The following ABTB3 variants were observed in gnomAD, a reference collection of about 807,000 sequenced individuals.
The protein encoded by ABTB3 is ankyrin repeat and BTB domain containing 3.
At chr12:107,612,588 G>A in the ABTB3 span, among the ~76,000 whole-genome samples, 6 of 152,210 alleles carry the variant, frequency 3.9e-5, no homozygotes, top group Non-Finnish European at 7.3e-5. Context: ...AGGCTCCTTC[G>A]TCGCCTCTAT....
At chr12:107,476,662 A>G in the ABTB3 span, among the ~76,000 whole-genome samples, 7,272 of 152,008 alleles carry the variant, frequency 0.048, 284 homozygotes, top group East Asian at 0.2. Context: ...AAGAGAGGCA[A>G]TGCTGGAGCT....
chr12:107,628,681 A>G, the ABTB3 span, among the ~76,000 whole-genome samples: 10 of 152,296 alleles, frequency 6.6e-5, no homozygotes, highest in African/African-American at 2.4e-4. Context: ...AGGTTCAACT[A>G]TGGGAAATTG....
At chr12:107,439,271 C>G in the ABTB3 span, among the ~76,000 whole-genome samples, 1 of 152,186 alleles carries the variant, frequency 6.6e-6, no homozygotes, top group African/African-American at 2.4e-5. Context: ...TTCGGTTTGA[C>G]TGGACCTGGG....
the ABTB3 span, among the ~76,000 whole-genome samples, chr12:107,543,702 A>G: frequency 1.3e-5 from 2 of 152,002 alleles, no homozygotes; most frequent in Non-Finnish European, 2.9e-5. Context: ...GCAGGATTAA[A>G]ATGATCTTAG....
the ABTB3 span, chr12:107,658,221 T>A: frequency 1.3e-5 from 2 of 153,736 alleles, no homozygotes; most frequent in Non-Finnish European, 2.9e-5. Context: ...AAATGTTCAT[T>A]TAAAAAAAAA....
At chr12:107,438,625 C>A in the ABTB3 span, among the ~76,000 whole-genome samples, 1 of 152,212 alleles carries the variant, frequency 6.6e-6, no homozygotes, top group African/African-American at 2.4e-5. Context: ...AGATAAAAGA[C>A]ATCAGCCATC....
At chr12:107,605,772 G>C in the ABTB3 span, among the ~76,000 whole-genome samples, 1 of 152,224 alleles carries the variant, frequency 6.6e-6, no homozygotes, top group Admixed American at 6.5e-5. Flanking sequence ...GGCAGTAACT[G>C]GATATCTCAG....
the ABTB3 span, chr12:107,580,961 C>G: frequency 2.3e-5 from 36 of 1,551,560 alleles, no homozygotes; most frequent in African/African-American, 4.8e-4. Context: ...GTCACCGGTG[C>G]GGTCCGGATG....
At chr12:107,626,625 T>C in the ABTB3 span, among the ~76,000 whole-genome samples, 12 of 152,042 alleles carry the variant, frequency 7.9e-5, no homozygotes, top group African/African-American at 2.9e-4. Context: ...TGGGATTTAT[T>C]GTCATCTTCT....
At chr12:107,427,698 T>C in the ABTB3 span, among the ~76,000 whole-genome samples, 1 of 152,150 alleles carries the variant, frequency 6.6e-6, no homozygotes, top group Non-Finnish European at 1.5e-5. Context: ...AGTTCATCAT[T>C]GGGGTGCCAT....
the ABTB3 span, among the ~76,000 whole-genome samples, chr12:107,630,218 G>A: frequency 6.6e-6 from 1 of 152,216 alleles, no homozygotes; most frequent in Non-Finnish European, 1.5e-5. Flanking sequence ...CTAATCCTCT[G>A]CACAATGTCC....
At chr12:107,332,016 T>C in the ABTB3 span, among the ~76,000 whole-genome samples, 1 of 152,320 alleles carries the variant, frequency 6.6e-6, no homozygotes, top group Admixed American at 6.5e-5. Context: ...AGCTGGCACC[T>C]TCACAGCCTC....
the ABTB3 span, among the ~76,000 whole-genome samples, chr12:107,633,355 A>C: frequency 1.1e-4 from 16 of 152,316 alleles, no homozygotes; most frequent in Admixed American, 3.3e-4. Flanking sequence ...AGTGAGAAAT[A>C]AATTTCTGCA....
the ABTB3 span, among the ~76,000 whole-genome samples, chr12:107,328,886 G>T: frequency 6.6e-6 from 1 of 152,196 alleles, no homozygotes; most frequent in Admixed American, 6.5e-5. Context: ...CTTGGTGGTG[G>T]TGGTTATGGT....
chr12:107,523,913 A>T, the ABTB3 span, among the ~76,000 whole-genome samples: 1 of 152,168 alleles, frequency 6.6e-6, no homozygotes, highest in Non-Finnish European at 1.5e-5. Context: ...CATGTGGCCC[A>T]CACACACTGT....
the ABTB3 span, chr12:107,615,081 A>G: frequency 6.2e-7 from 1 of 1,613,922 alleles, no homozygotes; most frequent in Middle Eastern, 1.6e-4. Context: ...CTCCTCATAA[A>G]TATCCATCCG....
the ABTB3 span, among the ~76,000 whole-genome samples, chr12:107,359,691 A>G: frequency 1.3e-5 from 2 of 152,100 alleles, no homozygotes; most frequent in Non-Finnish European, 2.9e-5. Context: ...ACCGCATCCC[A>G]TGTGCTGGGT....
the ABTB3 span, among the ~76,000 whole-genome samples, chr12:107,452,325 A>T: frequency 6.7e-6 from 1 of 148,220 alleles, no homozygotes; most frequent in Non-Finnish European, 1.5e-5. Context: ...CTCCTGCCTC[A>T]GCGTCCTGAG....
the ABTB3 span, among the ~76,000 whole-genome samples, chr12:107,604,430 G>C: frequency 6.7e-6 from 1 of 148,878 alleles, no homozygotes; most frequent in Non-Finnish European, 1.5e-5. Flanking sequence ...ATGGACAACA[G>C]AGAGAAAAAA....
Sources: allele counts gnomAD v4.1 joint callset (sites outside exome capture counted in the v4.1 genomes callset), GRCh38; gene constraint gnomAD v4.1.1; transcripts MANE v1.5; gene names NCBI Gene and HGNC (gene_info 2026-07-23, HGNC 2026-07-21).